SH3GL1: variants seen among roughly 807,000 people sequenced by gnomAD.
The protein encoded by SH3GL1 is endophilin-A2.
SH3GL1 carries 21 observed loss-of-function variants against 48.8 expected under a neutral mutation model. The ratio of observed to expected loss-of-function variants is 0.43; its 90% confidence interval spans 0.30 to 0.62. The LOEUF (loss-of-function observed/expected upper bound fraction) is 0.62. Among genes scored for constraint, SH3GL1 ranks in the 20% least tolerant of loss-of-function variants. The pLI is 0.11. For synonymous variants in SH3GL1, 282 were observed against 217.5 expected (o/e 1.30, Z -2.61); for missense variants, 454 against 503.0 (o/e 0.90, Z 0.93).
In SH3GL1 at chr19:4,360,507, G is replaced by A. The variant is rs2144849152; in HGVS notation, c.*1093C>T. 4.3e-6 allele frequency: 1 copy of A among 234,226 alleles called. No homozygotes were observed. The highest frequency in any genetic ancestry group is 6.0e-5 in the East Asian group (1 of 16,566). The allele number at this position is 234,226 out of a possible 1,614,324, so 14.5% of individuals were successfully genotyped here. ...GACGAGGGGGGTGCAGGGCAGGGCA[G>A]AGCAGAGCCTGGGGTCCGGAGGCTT... On this transcript the variant is annotated 3_prime_UTR_variant, in exon 10 of 10. Transcript: ENST00000269886.
At chr19:4,385,758 C>T (rs978850125) in intron 1 of SH3GL1, among the ~76,000 whole-genome samples, 1 of 152,176 alleles carries the variant, frequency 6.6e-6, no homozygotes, top group Admixed American at 6.5e-5. Context: ...GAAAAATACA[C>T]AGGATTCTGC....
In SH3GL1 at chr19:4,400,540, A is replaced by G. The variant is rs1013059522; in HGVS notation, c.-172T>C. 8 of 335,582 alleles carry G rather than the reference A, an allele frequency of 2.4e-5. No individual in the cohort carries two copies. The highest frequency in any genetic ancestry group is 1.1e-4 in the South Asian group (1 of 9,036). The allele number at this position is 335,582 out of a possible 1,614,324, so 20.8% of individuals were successfully genotyped here. On this transcript the variant is annotated 5_prime_UTR_variant, in exon 1 of 10. Transcript: ENST00000269886. The surrounding 1 kb of genome is among the most constrained non-coding windows in gnomAD (Gnocchi z 4.1). Reference sequence around the variant, plus strand: ...CAGCCGCTCGCGCGCCCGCGCGGCCAGGATATTACATGGCAACCGCACGCT... The same window carrying G: ...CAGCCGCTCGCGCGCCCGCGCGGCCGGGATATTACATGGCAACCGCACGCT...
chr19:4,384,701 G>A (rs560183824), intron 1 of SH3GL1, among the ~76,000 whole-genome samples: 3 of 152,348 alleles, frequency 2.0e-5, no homozygotes, highest in African/African-American at 7.2e-5. Flanking sequence ...ACTGGCTGGA[G>A]AACGGATAGA....
At chr19:4,399,463 A>G (rs1973482769) in intron 1 of SH3GL1, among the ~76,000 whole-genome samples, 2 of 151,766 alleles carry the variant, frequency 1.3e-5, no homozygotes, top group Admixed American at 1.3e-4. Flanking sequence ...AAGGAAGGAA[A>G]GAAGGAAGGA....
intron 1 of SH3GL1, among the ~76,000 whole-genome samples, chr19:4,368,062 C>T (rs938299540): frequency 3.9e-5 from 6 of 152,370 alleles, no homozygotes; most frequent in Admixed American, 1.3e-4. Context: ...CTGAAGTCAT[C>T]GGCAAATTTA....
Position 4,360,672 on chromosome 19 carries a change from TC to T in SH3GL1, c.*927del. The T allele has an allele frequency of 4.3e-6, 1 of 233,256 alleles. No homozygotes were observed. The highest frequency in any genetic ancestry group is 1.3e-3 in the Middle Eastern group (1 of 784). 14.4% of individuals were successfully genotyped at this position (233,256 alleles called of 1,614,324 possible). On this transcript the variant is annotated 3_prime_UTR_variant, in exon 10 of 10. Transcript: ENST00000269886. ...TCTAGAGGAGATGGCTGGGGCCACT[TC>T]CCACAGGGTGAAGTGGCAGCGGCTC...
chr19:4,395,929 T>C (rs1464160797), intron 1 of SH3GL1: 2 of 151,746 alleles, frequency 1.3e-5, no homozygotes, highest in Admixed American at 1.3e-4. Flanking sequence ...TATATATATA[T>C]ACAGTTGTCA....
Position 4,365,408 on chromosome 19 carries a change from CTGGACCT to C in SH3GL1, c.331+67_331+73del, listed in dbSNP as rs1972753052. 32 of 1,584,986 alleles carry C rather than the reference CTGGACCT, an allele frequency of 2.0e-5. No homozygotes were observed. The South Asian group carries it at 3.5e-4, about 18-fold the overall frequency. On this transcript the variant is annotated intron_variant, in intron 4 of 9. Coordinates refer to ENST00000269886, the MANE Select transcript of SH3GL1 (RefSeq NM_003025.4). The stretch of plus-strand genomic sequence containing the variant: ...CCCCGGCACTCAGCACATGCAGGGC[CTGGACCT>C]GCCCTGCCTGTGTTGAGGTGTGGCC...
At chr19:4,383,925 G>A (rs112469760) in intron 1 of SH3GL1, among the ~76,000 whole-genome samples, 1,953 of 152,264 alleles carry the variant, frequency 0.013, 24 homozygotes, top group Middle Eastern at 0.024. Flanking sequence ...GTTTGACCTC[G>A]GCTAGGAACA....
At chr19:4,362,853 T>G (rs1972661936) in intron 7 of SH3GL1, 117 bp from the exon 8 acceptor site, 2 of 1,532,444 alleles carry the variant, frequency 1.3e-6, no homozygotes, top group Non-Finnish European at 1.8e-6. Flanking sequence ...AGGCCGTCAG[T>G]GGGGTTGTGA....
At chr19:4,381,040 C>T (rs1973110004) in intron 1 of SH3GL1, among the ~76,000 whole-genome samples, 1 of 146,054 alleles carries the variant, frequency 6.8e-6, no homozygotes, top group Admixed American at 7.0e-5. Context: ...CCTCCTCTCC[C>T]TCTCTCTGTT....
chr19:4,364,251 T>C, intron 4 of SH3GL1, 30 bp from the exon 5 acceptor site: 1 of 1,613,550 alleles, frequency 6.2e-7, no homozygotes, highest in Non-Finnish European at 8.5e-7. Flanking sequence ...GAAGCCATCA[T>C]ACCGGGCCTG....
At position 4,362,699 on chromosome 19, in the gene SH3GL1, T is replaced by C; in HGVS notation, c.766A>G (p.Lys256Glu). The stretch of plus-strand genomic sequence containing the variant: ...TCAAAGGGCTCCCGGGGCTTGGGCT[T>C]ATACTCCCGCTTAGGGCGTGAGGAA... ...EASSRPKREY[K>E]PKPREPFDLG... The change falls in exon 8 of 10, where the codon AAG becomes GAG. Residue 256 changes from lysine to glutamate, a missense_variant. Coordinates refer to ENST00000269886, the MANE Select transcript of SH3GL1 (RefSeq NM_003025.4). 1 of 1,614,032 alleles carries C rather than the reference T, an allele frequency of 6.2e-7. No homozygotes were observed. The highest frequency in any genetic ancestry group is 2.2e-5 in the East Asian group (1 of 44,876).
At position 4,389,236 on chromosome 19, in the gene SH3GL1, G is replaced by A. The variant is rs1016000003; in HGVS notation, c.45+11088C>T. Among the ~76,000 whole-genome samples, 5 of 152,316 alleles carry A rather than the reference G, an allele frequency of 3.3e-5. No individual in the cohort carries two copies. The highest frequency in any genetic ancestry group is 1.2e-4 in the African/African-American group (5 of 41,576). On this transcript the variant is annotated intron_variant, in intron 1 of 9. Coordinates refer to ENST00000269886, the MANE Select transcript of SH3GL1 (RefSeq NM_003025.4). This position sits in a 1 kb window ranked among gnomAD's most constrained non-coding sequence, Gnocchi z 4.5. ...AGCCCAGCCTCAGGAGCTGCCGTCC[G>A]ATGGGAGGAGAGCACCTCACACGAA...
At chr19:4,364,916 ATT>A (rs35880496) in intron 4 of SH3GL1, among the ~76,000 whole-genome samples, 324 of 116,144 alleles carry the variant, frequency 2.8e-3, no homozygotes, top group African/African-American at 7.9e-3. Context: ...ATATATATAT[ATT>A]TTTTTTTTTT....
At chr19:4,365,049 T>C (rs1395991221) in intron 4 of SH3GL1, among the ~76,000 whole-genome samples, 1 of 151,956 alleles carries the variant, frequency 6.6e-6, no homozygotes, top group East Asian at 1.9e-4. Flanking sequence ...GCCACCACAC[T>C]TGGCCCCATC....
At chr19:4,388,703 C>T (rs1363861802) in intron 1 of SH3GL1, among the ~76,000 whole-genome samples, 1 of 152,248 alleles carries the variant, frequency 6.6e-6, no homozygotes, top group East Asian at 1.9e-4. Context: ...TCTGAGCAGA[C>T]CGGCCCAGCC....
At chr19:4,387,892 G>A (rs1337475590) in intron 1 of SH3GL1, among the ~76,000 whole-genome samples, 2 of 151,878 alleles carry the variant, frequency 1.3e-5, no homozygotes, top group Non-Finnish European at 2.9e-5. Context: ...ACAGAGTCTC[G>A]CTCTGTCGCC....
At chr19:4,362,801 T>C in intron 7 of SH3GL1, 65 bp from the exon 8 acceptor site, 1 of 1,608,150 alleles carries the variant, frequency 6.2e-7, no homozygotes, top group East Asian at 2.2e-5. Context: ...CACTCTTGTA[T>C]TTATGCTGCT....
Sources: gnomAD v4.1 joint callset for allele counts (sites outside exome capture counted in the v4.1 genomes callset) on GRCh38, gnomAD v4.1.1 for gene constraint, Gnocchi (gnomAD v3.1) non-coding constraint, MANE v1.5 for transcripts, NCBI Gene and HGNC (gene_info 2026-07-23, HGNC 2026-07-21) for gene names.